Variants in ZNF878 observed in about 807,000 individuals in gnomAD.
ZNF878 encodes the protein zinc finger protein 878.
A neutral mutation model predicts 11.1 loss-of-function variants in ZNF878; 10 were observed. The ratio of observed to expected loss-of-function variants is 0.90; its 90% CI spans 0.56 to 1.53. The LOEUF (loss-of-function observed/expected upper bound fraction) is 1.53. Ranked by LOEUF, ZNF878 falls within the 40% of genes most tolerant of loss-of-function variation. The pLI is 0.00. For missense variants in ZNF878, 548 were observed against 626.1 expected (o/e 0.88, Z 1.33); for synonymous variants, 165 against 209.7 (o/e 0.79, Z 1.84).
At chr19:12,049,122 G>A (rs1424537422) in intron 1 of ZNF878, among the ~76,000 whole-genome samples, 5 of 145,708 alleles carry the variant, frequency 3.4e-5, no homozygotes, top group African/African-American at 1.0e-4. Context: ...CAGCCTGGGC[G>A]AGAGGCAGCT....
intron 1 of ZNF878, among the ~76,000 whole-genome samples, chr19:12,047,020 A>G (rs1041335630): frequency 6.6e-6 from 1 of 152,136 alleles, no homozygotes; most frequent in African/African-American, 2.4e-5. Flanking sequence ...CCAGGGAGAA[A>G]GTCGTGCTGC....
rs903049170 is a variant in ZNF878 at position 12,046,678 on chromosome 19, T to C, written c.86A>G (p.Tyr29Cys). 1 of 1,614,068 alleles carries C rather than the reference T, an allele frequency of 6.2e-7. No homozygotes were observed. Among genetic ancestry groups the C allele is most frequent in the Non-Finnish European group, 8.5e-7 (1 of 1,179,996 alleles). ...CAAGGTTTCCTGCATCACTTCCCTG[T>C]AGAGATTTTTCTGGGAAGGATCCAG... ...ALLDPSQKNL[Y>C]REVMQETLRN... Residue 29 changes from tyrosine (Y) to cysteine (C), a missense_variant, in exon 2 of 4, where the codon TAC becomes TGC. By Grantham distance (194) the Tyr-to-Cys change is radical. Coordinates refer to ENST00000547628, the MANE Select transcript of ZNF878 (RefSeq NM_001080404.3).
At chr19:12,051,624 T>C (rs1002855769) in intron 1 of ZNF878, among the ~76,000 whole-genome samples, 10 of 143,504 alleles carry the variant, frequency 7.0e-5, no homozygotes, top group African/African-American at 2.6e-4. Flanking sequence ...ATACAAAAAT[T>C]GGCCGGGCGC....
At chr19:12,051,212 C>A (rs185852388) in intron 1 of ZNF878, among the ~76,000 whole-genome samples, 1 of 147,352 alleles carries the variant, frequency 6.8e-6, no homozygotes, top group Non-Finnish European at 1.5e-5. Context: ...ACAGGAGAAT[C>A]GCTTGAACCG....
chr19:12,045,650 C>T lies in ZNF878; in HGVS notation c.192-441G>A, dbSNP rs1412751841. 1.2e-4 allele frequency among the ~76,000 whole-genome samples: 18 copies of T among 151,794 alleles called. No individual in the cohort carries two copies. In the South Asian group the frequency reaches 3.7e-3, roughly 32 times the overall value. ...TGACAGAGCGAGACACTGTCTCAAA[C>T]AAACAAACAAAGATGGCCCAGCCAT... On this transcript the variant is annotated intron_variant, in intron 3 of 3. Coordinates refer to ENST00000547628, the MANE Select transcript of ZNF878 (RefSeq NM_001080404.3).
chr19:12,044,453 A>C lies in ZNF878; in HGVS notation c.948T>G (p.Cys316Trp). 6 of 1,613,936 alleles carry C rather than the reference A, an allele frequency of 3.7e-6. No homozygotes were observed. The highest frequency in any genetic ancestry group is 5.1e-6 in the Non-Finnish European group (6 of 1,179,986). ...TGEKPYECKL[C>W]GKGFISSTSF... Reference sequence around the variant, plus strand: ...AAGTGGAAGAAATAAATCCCTTACCACATAGCTTACACTCATAGGGTTTCT... The same window carrying C: ...AAGTGGAAGAAATAAATCCCTTACCCCATAGCTTACACTCATAGGGTTTCT... The change falls in exon 4 of 4, where the codon TGT becomes TGG. Residue 316 changes from cysteine to tryptophan, a missense_variant. Cys to Trp is a radical substitution (Grantham distance 215). Transcript: ENST00000547628.
intron 1 of ZNF878, 82 bp downstream of exon 1, chr19:12,052,717 C>G: frequency 1.3e-6 from 2 of 1,518,684 alleles, no homozygotes; most frequent in African/African-American, 2.8e-5. Context: ...GCAGGGGGGC[C>G]CGGGCCCCGC....
intron 1 of ZNF878, among the ~76,000 whole-genome samples, chr19:12,050,149 C>G (rs138869465): frequency 1.3e-5 from 2 of 151,908 alleles, no homozygotes. Context: ...CGATTGAACC[C>G]GGGAGGTGGA....
intron 1 of ZNF878, among the ~76,000 whole-genome samples, chr19:12,047,686 A>C (rs1366928099): frequency 6.6e-6 from 1 of 151,316 alleles, no homozygotes; most frequent in Non-Finnish European, 1.5e-5. Context: ...GGCTGGACAC[A>C]GTGGCTCATG....
Position 12,044,263 on chromosome 19 carries a change from T to C in ZNF878, c.1138A>G (p.Asn380Asp). ...GTCCTTTCATGATAGTGAAAGGAAT[T>C]GGAAGAAGTGAAGGTTTTCCCACAT... ...KQCGKTFTSS[N>D]SFHYHERTHT... is the part of the protein sequence containing the mutation. Residue 380 changes from asparagine (N) to aspartate (D), a missense_variant, in exon 4 of 4, where the codon AAT (asparagine) becomes GAT (aspartate). By Grantham distance (23) the Asn-to-Asp change is conservative (BLOSUM62 1). This residue lies in a region of ZNF878 where 335 missense variants were observed against 358.2 expected (regional missense o/e 0.94). Coordinates refer to ENST00000547628, the MANE Select transcript of ZNF878 (RefSeq NM_001080404.3). 1 of 1,613,970 alleles carries C rather than the reference T, an allele frequency of 6.2e-7. No homozygotes were observed.
At chr19:12,052,310 T>G (rs534101842) in intron 1 of ZNF878, among the ~76,000 whole-genome samples, 1 of 152,288 alleles carries the variant, frequency 6.6e-6, no homozygotes, top group South Asian at 2.1e-4. Flanking sequence ...TTTGGGTTTT[T>G]CCGTTACCAA....
At position 12,045,134 on chromosome 19, in the gene ZNF878, A is replaced by G. The variant is rs372874813; in HGVS notation, c.267T>C (p.Asp89=). ...QHGEVLTQVP[D]DTLKKKTPGV... Reference sequence around the variant, plus strand: ...CAGGAGTTTTCTTCTTCAGTGTGTCATCTGGAACCTGTGTCAAAACTTCTC... The same window carrying G: ...CAGGAGTTTTCTTCTTCAGTGTGTCGTCTGGAACCTGTGTCAAAACTTCTC... Residue 89 remains aspartate (D), a synonymous_variant, in exon 4 of 4, where the codon GAT becomes GAC. Transcript: ENST00000547628. 2.4e-4 allele frequency: 392 copies of G among 1,613,022 alleles called. 1 individual carries two copies. The highest frequency in any genetic ancestry group is 3.2e-4 in the Non-Finnish European group (380 of 1,179,502).
chr19:12,046,636 A>G lies in ZNF878; in HGVS notation c.128T>C (p.Ile43Thr). ...MQETLRNLTS[I>T]GKKWNNQYIE... ...GGAAGTAATACTGTCATTCTTACCT[A>G]TGGAGGTCAGGTTCCTCAAGGTTTC... Residue 43 changes from isoleucine to threonine, a missense_variant and splice_region_variant, in exon 2 of 4, where the codon ATA (isoleucine) becomes ACA (threonine). This residue lies in a region of ZNF878 where 160 missense variants were observed against 173.3 expected (regional missense o/e 0.92). Transcript: ENST00000547628. 2 of 1,614,028 alleles carry G rather than the reference A, an allele frequency of 1.2e-6. No individual in the cohort carries two copies. Among genetic ancestry groups the G allele is most frequent in the Non-Finnish European group, 1.7e-6 (2 of 1,179,970 alleles).
intron 1 of ZNF878, among the ~76,000 whole-genome samples, chr19:12,048,833 A>G (rs933922244): frequency 9.3e-6 from 1 of 107,368 alleles, no homozygotes; most frequent in Non-Finnish European, 1.7e-5. Flanking sequence ...ACTCTGTCTC[A>G]AAAAAAAAAA....
At chr19:12,050,887 G>A (rs1234189106) in intron 1 of ZNF878, among the ~76,000 whole-genome samples, 1 of 151,930 alleles carries the variant, frequency 6.6e-6, no homozygotes, top group East Asian at 1.9e-4. Context: ...GAGGTCAGGA[G>A]ATCGAGACCA....
rs764112503 is a variant in ZNF878, at chr19:12,045,223, A to G, written c.192-14T>C. 1.9e-6 allele frequency: 3 copies of G among 1,569,996 alleles called. No homozygotes were observed. In the African/African-American group the frequency reaches 4.1e-5, roughly 21 times the overall value. On this transcript the variant is annotated splice_polypyrimidine_tract_variant and intron_variant, in intron 3 of 3. Transcript: ENST00000547628. ...CCTATAAGTCTTCTGTGAACAATGA[A>G]AGCACATTATAATGGGTTTATCACT...
rs761652379 is a variant in ZNF878, at chr19:12,043,872, T to C, written c.1529A>G (p.Lys510Arg). Residue 510 changes from lysine (K) to arginine (R), a missense_variant, in exon 4 of 4, where the codon AAG becomes AGG. This residue lies in a region of ZNF878 where 335 missense variants were observed against 358.2 expected (regional missense o/e 0.94). Transcript: ENST00000547628. ...AGATCTAAAGGCTTTACCACATTGC[T>C]TACACTCATAGGGTTTCTCTCCAGT... ...IHTGEKPYEC[K>R]QCGKAFRSAS... The C allele has an allele frequency of 4.3e-6, 7 of 1,614,054 alleles. No homozygotes were observed. The highest frequency in any genetic ancestry group is 1.3e-5 in the African/African-American group (1 of 75,044).
rs1400556989 is a variant in ZNF878, at chr19:12,044,616, T to C, written c.785A>G (p.Lys262Arg). The C allele has an allele frequency of 6.2e-7, 1 of 1,614,150 alleles. No individual in the cohort carries two copies. The highest frequency in any genetic ancestry group is 8.5e-7 in the Non-Finnish European group (1 of 1,180,020). Residue 262 changes from lysine (K) to arginine (R), a missense_variant, in exon 4 of 4, where the codon AAA becomes AGA. Physicochemically the swap from Lys to Arg is conservative, Grantham distance 26. This residue lies in a region of ZNF878 where 335 missense variants were observed against 358.2 expected (regional missense o/e 0.94). Coordinates refer to ENST00000547628, the MANE Select transcript of ZNF878 (RefSeq NM_001080404.3). ...EKRYKCKQCD[K>R]AFNCPSSFQY... ...AAAGGAACTGGGACAATTGAAGGCT[T>C]TATCACATTGCTTGCATTTATAGCG...
chr19:12,052,904 G>C lies in ZNF878; in HGVS notation c.-103C>G. ...AACAGCAGCTACGGCGGAAGTAACT[G>C]GTCCCTCTCGGAGCAAGAAAGCCCC... On this transcript the variant is annotated 5_prime_UTR_variant, in exon 1 of 4. Transcript: ENST00000547628. 6.7e-7 allele frequency: 1 copy of C among 1,487,872 alleles called. No homozygotes were observed. The highest frequency in any genetic ancestry group is 9.0e-7 in the Non-Finnish European group (1 of 1,106,246). 92.2% of individuals were successfully genotyped at this position (1,487,872 alleles called of 1,614,324 possible). A position where few individuals can be genotyped will look rare whatever the true frequency, so the allele number is the denominator to read the frequency against.
Sources: gnomAD v4.1 joint callset for allele counts (sites outside exome capture counted in the v4.1 genomes callset) on GRCh38, gnomAD v4.1.1 for gene constraint, gnomAD v4.1.1 regional missense constraint, MANE v1.5 for transcripts, NCBI Gene and HGNC (gene_info 2026-07-23, HGNC 2026-07-21) for gene names.